The following RNGTT variants were observed in gnomAD, a reference collection of about 807,000 sequenced individuals.
RNGTT encodes RNA guanylyltransferase and 5'-phosphatase, also known as mRNA-capping enzyme.
Under a neutral mutation model 79.3 loss-of-function variants are expected in RNGTT, and 33 were observed. The ratio of observed to expected loss-of-function variants is 0.42; its 90% CI spans 0.32 to 0.56. The LOEUF (loss-of-function observed/expected upper bound fraction) is 0.56, where lower values mean the gene tolerates loss of function less well. Ranked by LOEUF, RNGTT falls within the 20% of genes least tolerant of loss-of-function variation. The pLI, the probability that RNGTT is intolerant of heterozygous loss-of-function variation, is 0.17. For synonymous variants in RNGTT, 222 were observed against 235.9 expected, an observed-to-expected ratio of 0.94 and a Z score of 0.54; for missense variants, 497 against 739.1, an observed-to-expected ratio of 0.67 and a Z score of 3.80.
chr6:88,767,678 CAAAAAAAA>C (rs58712575), intron 13 of RNGTT, among the ~76,000 whole-genome samples: 18 of 83,484 alleles, frequency 2.2e-4, no homozygotes, highest in Non-Finnish European at 4.4e-4. Flanking sequence ...TCACTTGTGT[CAAAAAAAA>C]AAAAAAAAAA....
chr6:88,894,896 T>C (rs1783182666), intron 6 of RNGTT, among the ~76,000 whole-genome samples: 1 of 152,054 alleles, frequency 6.6e-6, no homozygotes, highest in African/African-American at 2.4e-5. Context: ...GTGAGACCCA[T>C]CTCTATTTAT....
chr6:88,886,957 T>A, intron 8 of RNGTT, among the ~76,000 whole-genome samples: 1 of 147,088 alleles, frequency 6.8e-6, no homozygotes, highest in Non-Finnish European at 1.5e-5. Context: ...ACACTTATAA[T>A]CCCAGTACTT....
chr6:88,890,530 C>T lies in RNGTT; in HGVS notation c.861G>A (p.Lys287=), dbSNP rs1364287416. Residue 287 remains lysine (K), a synonymous_variant, in exon 8 of 16, where the codon AAG becomes AAA. Coordinates refer to ENST00000369485, the MANE Select transcript of RNGTT (RefSeq NM_003800.5). ...CTGCTTTCCAGCTTACTTTGTATGG[C>T]TTCAGGTCTAAAAGTTTAATATTTT... is the stretch of plus-strand genomic sequence containing the variant. The part of the protein sequence containing the change: ...DKQNIKLLDL[K]PYKVSWKADG... 6.2e-7 allele frequency: 1 copy of T among 1,613,546 alleles called. No individual in the cohort carries two copies. Among genetic ancestry groups the T allele is most frequent in the Non-Finnish European group, 8.5e-7 (1 of 1,179,718 alleles).
intron 14 of RNGTT, among the ~76,000 whole-genome samples, chr6:88,658,258 A>G (rs919014554): frequency 2.0e-5 from 3 of 152,206 alleles, no homozygotes; most frequent in Non-Finnish European, 4.4e-5. Context: ...GTCTGTCCAT[A>G]TGACAACGTC....
chr6:88,644,627 A>C (rs903236827), intron 14 of RNGTT, among the ~76,000 whole-genome samples: 9 of 152,260 alleles, frequency 5.9e-5, no homozygotes, highest in Non-Finnish European at 1.3e-4. Flanking sequence ...AACTGAATCC[A>C]GCAGCACATC....
chr6:88,698,220 ATC>A (rs1244453478), intron 13 of RNGTT, among the ~76,000 whole-genome samples: 1 of 85,872 alleles, frequency 1.2e-5, no homozygotes, highest in Admixed American at 1.1e-4. Context: ...AAATATATAT[ATC>A]ATATATATAT....
chr6:88,865,207 T>C (rs1271828533), intron 8 of RNGTT, among the ~76,000 whole-genome samples: 1 of 152,068 alleles, frequency 6.6e-6, no homozygotes, highest in African/African-American at 2.4e-5. Context: ...TGTTATTATG[T>C]CCAAGGCACA....
intron 12 of RNGTT, among the ~76,000 whole-genome samples, chr6:88,779,922 A>G (rs972830762): frequency 6.6e-6 from 1 of 152,172 alleles, no homozygotes; most frequent in Admixed American, 6.5e-5. Flanking sequence ...TGAACCTGAA[A>G]GGCAGAGGTT....
chr6:88,795,691 A>C (rs1779576595), intron 12 of RNGTT, among the ~76,000 whole-genome samples: 1 of 147,224 alleles, frequency 6.8e-6, no homozygotes. Context: ...TAATTTTTTA[A>C]AAACCACCAC....
At chr6:88,650,988 G>A (rs918851110) in intron 14 of RNGTT, among the ~76,000 whole-genome samples, 2 of 152,026 alleles carry the variant, frequency 1.3e-5, no homozygotes, top group Non-Finnish European at 2.9e-5. Context: ...TATTCCCAAT[G>A]CAAGAATTCT....
chr6:88,780,646 G>T (rs553391175), intron 12 of RNGTT, among the ~76,000 whole-genome samples: 8 of 151,952 alleles, frequency 5.3e-5, no homozygotes, highest in Non-Finnish European at 1.2e-4. Flanking sequence ...AAAAAACTGG[G>T]GATATGTTAG....
At chr6:88,703,609 T>A (rs995137273) in intron 13 of RNGTT, among the ~76,000 whole-genome samples, 6 of 152,222 alleles carry the variant, frequency 3.9e-5, no homozygotes, top group Middle Eastern at 3.4e-3. Context: ...GGTGATGGGA[T>A]TGTCCATATC....
At chr6:88,952,901 C>A (rs1042937015) in intron 1 of RNGTT, among the ~76,000 whole-genome samples, 2 of 152,178 alleles carry the variant, frequency 1.3e-5, no homozygotes, top group East Asian at 3.9e-4. Context: ...AAGCCCCAAG[C>A]CCCATCCCTA....
chr6:88,729,462 G>A (rs1777035576), intron 13 of RNGTT, among the ~76,000 whole-genome samples: 1 of 150,448 alleles, frequency 6.6e-6, no homozygotes, highest in African/African-American at 2.5e-5. Context: ...CATCTATTTA[G>A]ACACAATTAG....
chr6:88,612,514 A>C lies in RNGTT; in HGVS notation c.*205T>G, dbSNP rs13217604. 58,997 of 501,438 alleles carry C rather than the reference A, an allele frequency of 0.12. 3,793 individuals carry two copies. The highest frequency in any genetic ancestry group is 0.16 in the Middle Eastern group (301 of 1,850). The allele number at this position is 501,438 out of a possible 1,614,324, so 31.1% of individuals were successfully genotyped here. On this transcript the variant is annotated 3_prime_UTR_variant, in exon 16 of 16. Coordinates refer to ENST00000369485, the MANE Select transcript of RNGTT (RefSeq NM_003800.5). ...GTTTATCAGATAAATAAGATGTTTA[A>C]GTCCACGATGTATTGCAGCACTGAG...
At chr6:88,711,502 T>C (rs1776317134) in intron 13 of RNGTT, among the ~76,000 whole-genome samples, 1 of 152,224 alleles carries the variant, frequency 6.6e-6, no homozygotes, top group Admixed American at 6.5e-5. Flanking sequence ...AGACTCCCTT[T>C]ACAAACACAC....
intron 13 of RNGTT, among the ~76,000 whole-genome samples, chr6:88,728,807 C>A (rs1777007929): frequency 2.6e-5 from 4 of 152,178 alleles, no homozygotes; most frequent in Non-Finnish European, 5.9e-5. Flanking sequence ...AACAACAAGA[C>A]CAAAATAGCT....
At chr6:88,918,795 TA>T (rs1784077113) in intron 4 of RNGTT, among the ~76,000 whole-genome samples, 1 of 152,232 alleles carries the variant, frequency 6.6e-6, no homozygotes, top group Admixed American at 6.5e-5. Context: ...TAAATTTCCT[TA>T]CTATCTTCTA....
chr6:88,696,893 T>A lies in RNGTT; in HGVS notation c.1440-18474A>T, dbSNP rs191732778. ...TCTGGAGACTAGAAACAGAGAAATT[T>A]AAGCTGAGTGGATATAATTCACAAA... On this transcript the variant is annotated intron_variant, in intron 13 of 15. Coordinates refer to ENST00000369485, the MANE Select transcript of RNGTT (RefSeq NM_003800.5). Among the ~76,000 whole-genome samples, 207 of 152,282 alleles carry A rather than the reference T, an allele frequency of 1.4e-3. 1 individual carries two copies. The highest frequency in any genetic ancestry group is 4.8e-3 in the African/African-American group (201 of 41,572).
Sources: gnomAD v4.1 joint callset for allele counts (sites outside exome capture counted in the v4.1 genomes callset) on GRCh38, gnomAD v4.1.1 for gene constraint, MANE v1.5 for transcripts, NCBI Gene and HGNC (gene_info 2026-07-23, HGNC 2026-07-21) for gene names.